The following HS6ST1 variants were observed in gnomAD, a reference collection of about 807,000 sequenced individuals.
HS6ST1 encodes the protein heparan-sulfate 6-O-sulfotransferase 1.
A neutral mutation model predicts 25.2 loss-of-function variants in HS6ST1; 3 were observed. The ratio of observed to expected loss-of-function variants is 0.12; its 90% CI spans 0.05 to 0.31. The LOEUF is 0.31. HS6ST1 is among the 10% of genes least tolerant of loss of function. HS6ST1 has a pLI of 1.00. For synonymous variants in HS6ST1, 204 were observed against 275.1 expected (o/e 0.74, Z 2.56); for missense variants, 310 against 609.6 (o/e 0.51, Z 5.18).
Position 128,317,913 on chromosome 2 carries a change from G to C in HS6ST1, c.527+124C>G, listed in dbSNP as rs1694398445. On this transcript the variant is annotated intron_variant, in intron 1 of 1. Transcript: ENST00000259241. ...GGCAGGTCGGGAGGGGTGCCGGCGA[G>C]TGGGGGCCCCCAAGAGGGCAGAAGG... The C allele has an allele frequency of 5.0e-6, 6 of 1,193,758 alleles. No homozygotes were observed. In the South Asian group the frequency reaches 1.2e-4, roughly 23 times the overall value. The allele number at this position is 1,193,758 out of a possible 1,614,324, so 73.9% of individuals were successfully genotyped here. A position where few individuals can be genotyped will look rare whatever the true frequency, so the allele number is the denominator to read the frequency against.
At chr2:128,317,059 G>A (rs1694375437) in intron 1 of HS6ST1, among the ~76,000 whole-genome samples, 1 of 152,236 alleles carries the variant, frequency 6.6e-6, no homozygotes, top group Admixed American at 6.5e-5. Context: ...TCCCAGCCCA[G>A]ACTTTGGGGA....
intron 1 of HS6ST1, among the ~76,000 whole-genome samples, chr2:128,274,161 G>A (rs538610442): frequency 2.6e-5 from 4 of 152,340 alleles, no homozygotes; most frequent in East Asian, 3.9e-4. Flanking sequence ...CTTCCAGAAA[G>A]AGGGGAGAGA....
At chr2:128,285,094 G>A (rs1693840722) in intron 1 of HS6ST1, among the ~76,000 whole-genome samples, 1 of 152,230 alleles carries the variant, frequency 6.6e-6, no homozygotes, top group Admixed American at 6.5e-5. Flanking sequence ...CGCTGATGGA[G>A]TGCCTACTGC....
chr2:128,288,167 C>G (rs1436555893), intron 1 of HS6ST1, among the ~76,000 whole-genome samples: 2 of 152,232 alleles, frequency 1.3e-5, no homozygotes, highest in African/African-American at 4.8e-5. Flanking sequence ...CCTTCTGCTT[C>G]TAGGCCTTTT....
rs1204632918 is a variant in HS6ST1 at position 128,267,169 on chromosome 2, G to A, written c.*993C>T. 2 of 152,184 alleles carry A rather than the reference G, an allele frequency of 1.3e-5. No homozygotes were observed. The highest frequency in any genetic ancestry group is 2.9e-5 in the Non-Finnish European group (2 of 68,032). The allele number at this position is 152,184 out of a possible 1,614,324, so 9.4% of individuals were successfully genotyped here. ...CCTGATGAACTTAATCCGTACGCTG[G>A]TGGGAGCAGTGGTATTTGAGCTCTT... On this transcript the variant is annotated 3_prime_UTR_variant, in exon 2 of 2. Transcript: ENST00000259241.
chr2:128,300,498 C>T (rs765912149), intron 1 of HS6ST1, among the ~76,000 whole-genome samples: 1 of 152,206 alleles, frequency 6.6e-6, no homozygotes, highest in Admixed American at 6.5e-5. Flanking sequence ...GCTGTGTGCA[C>T]GGGGGTATCT....
intron 1 of HS6ST1, among the ~76,000 whole-genome samples, chr2:128,305,685 C>T (rs1035830410): frequency 7.2e-5 from 11 of 152,244 alleles, no homozygotes; most frequent in African/African-American, 2.7e-4. Context: ...CATCACAACC[C>T]TCTCAACTCC....
intron 1 of HS6ST1, among the ~76,000 whole-genome samples, chr2:128,283,518 T>G (rs1156891236): frequency 6.6e-6 from 1 of 152,166 alleles, no homozygotes; most frequent in Non-Finnish European, 1.5e-5. Flanking sequence ...GAGGTGTCCA[T>G]GGAGGAGGTG....
At chr2:128,312,479 C>G (rs1573711238) in intron 1 of HS6ST1, among the ~76,000 whole-genome samples, 1 of 152,210 alleles carries the variant, frequency 6.6e-6, no homozygotes, top group Non-Finnish European at 1.5e-5. Flanking sequence ...GCTTGTCACG[C>G]CTGTTCCTCA....
intron 1 of HS6ST1, among the ~76,000 whole-genome samples, chr2:128,310,261 G>A (rs1158219554): frequency 6.6e-6 from 1 of 152,182 alleles, no homozygotes; most frequent in Non-Finnish European, 1.5e-5. Context: ...ACCTCCCGAG[G>A]TGGCCCCGTG....
rs2104908476 is a variant in HS6ST1 at position 128,268,321 on chromosome 2, G to A, written c.1077C>T (p.Tyr359=). The change falls in exon 2 of 2, where the codon TAC becomes TAT. Residue 359 remains tyrosine (Y), a synonymous_variant. Transcript: ENST00000259241. ...DYAKDLFQQR[Y]QYKRQLERRE... is the part of the protein sequence containing the mutation. ...TGCGCTCCAGCTGCCGCTTGTACTG[G>A]TAGCGCTGCTGGAAGAGGTCCTTGG... 1.9e-6 allele frequency: 3 copies of A among 1,613,496 alleles called. No individual in the cohort carries two copies. The highest frequency in any genetic ancestry group is 2.5e-6 in the Non-Finnish European group (3 of 1,179,852).
chr2:128,314,589 C>A (rs1694334438), intron 1 of HS6ST1, among the ~76,000 whole-genome samples: 1 of 152,226 alleles, frequency 6.6e-6, no homozygotes, highest in South Asian at 2.1e-4. Flanking sequence ...ACAGGTCCAG[C>A]ACCAGGCGGA....
At chr2:128,304,490 C>T (rs865846180) in intron 1 of HS6ST1, among the ~76,000 whole-genome samples, 1 of 145,204 alleles carries the variant, frequency 6.9e-6, no homozygotes, top group South Asian at 2.2e-4. Context: ...AAACAAGTAC[C>T]TGTCACAGAC....
At chr2:128,283,937 C>T (rs1305344775) in intron 1 of HS6ST1, among the ~76,000 whole-genome samples, 1 of 152,198 alleles carries the variant, frequency 6.6e-6, no homozygotes, top group Non-Finnish European at 1.5e-5. Flanking sequence ...AAATGGACCC[C>T]ACAACTGTAA....
At chr2:128,317,034 C>A (rs1007949820) in intron 1 of HS6ST1, among the ~76,000 whole-genome samples, 2 of 152,250 alleles carry the variant, frequency 1.3e-5, no homozygotes, top group African/African-American at 4.8e-5. Flanking sequence ...GACAAGAAGC[C>A]CTGCTCCTGG....
At chr2:128,270,309 C>G (rs1007375649) in intron 1 of HS6ST1, among the ~76,000 whole-genome samples, 3 of 152,198 alleles carry the variant, frequency 2.0e-5, no homozygotes, top group African/African-American at 7.2e-5. Flanking sequence ...CACGGCTGGT[C>G]TCCAGGGGGC....
rs1694408060 is a variant in HS6ST1 at position 128,318,420 on chromosome 2, G to A, written c.144C>T (p.Arg48=). 3.8e-6 allele frequency: 6 copies of A among 1,599,486 alleles called. No homozygotes were observed. Among genetic ancestry groups the A allele is most frequent in the Non-Finnish European group, 5.1e-6 (6 of 1,174,442 alleles). Residue 48 remains arginine (R), a synonymous_variant, in exon 1 of 2, where the codon CGC becomes CGT. Coordinates refer to ENST00000259241, the MANE Select transcript of HS6ST1 (RefSeq NM_004807.3). The surrounding 1 kb of genome is among the most constrained non-coding windows in gnomAD (Gnocchi z 5.7). ...PGLSLGAPGG[R]APPDDLDLFP... is the part of the protein sequence containing the mutation. ...ACAGGTCCAGGTCGTCGGGCGGCGC[G>A]CGGCCGCCGGGCGCGCCCAGGCTCA...
chr2:128,291,225 C>A (rs1253463014), intron 1 of HS6ST1, among the ~76,000 whole-genome samples: 1 of 152,238 alleles, frequency 6.6e-6, no homozygotes, highest in Non-Finnish European at 1.5e-5. Flanking sequence ...TTAGTGAGTA[C>A]CCCGTGCAGG....
chr2:128,316,155 C>A (rs1162503466), intron 1 of HS6ST1, among the ~76,000 whole-genome samples: 1 of 152,266 alleles, frequency 6.6e-6, no homozygotes, highest in Non-Finnish European at 1.5e-5. Context: ...TCCTCCCACT[C>A]TCATGGACAA....
Sources: gnomAD v4.1 joint callset for allele counts (sites outside exome capture counted in the v4.1 genomes callset) on GRCh38, gnomAD v4.1.1 for gene constraint, Gnocchi (gnomAD v3.1) non-coding constraint, MANE v1.5 for transcripts, NCBI Gene and HGNC (gene_info 2026-07-23, HGNC 2026-07-21) for gene names.